SPAG16: variants seen among roughly 807,000 people sequenced by gnomAD.
SPAG16 encodes sperm-associated antigen 16 protein.
In SPAG16, 86 loss-of-function variants were observed where a neutral mutation model predicts 80.4. The observed-to-expected ratio is 1.07, with a 90% CI of 0.90 to 1.28. SPAG16 has a LOEUF of 1.28. Ranked by LOEUF, SPAG16 falls within the 50% of genes most tolerant of loss-of-function variation. The pLI, the probability that SPAG16 is intolerant of heterozygous loss-of-function variation, is 0.00. For synonymous variants in SPAG16, 294 were observed against 265.9 expected, an observed-to-expected ratio of 1.11 and a Z score of -1.03; for missense variants, 870 against 765.3, an observed-to-expected ratio of 1.14 and a Z score of -1.61.
intron 10 of SPAG16, among the ~76,000 whole-genome samples, chr2:213,753,482 T>C (rs929168163): frequency 6.6e-6 from 1 of 152,230 alleles, no homozygotes; most frequent in Admixed American, 6.5e-5. Flanking sequence ...TTTTAATATA[T>C]GTATGAATTA....
intron 11 of SPAG16, among the ~76,000 whole-genome samples, chr2:213,890,269 A>G (rs1415730530): frequency 6.6e-6 from 1 of 152,094 alleles, no homozygotes; most frequent in Non-Finnish European, 1.5e-5. Flanking sequence ...AGAACTGTAA[A>G]ATCTAAATAG....
chr2:213,811,962 T>C (rs1453092992), intron 10 of SPAG16, among the ~76,000 whole-genome samples: 1 of 152,020 alleles, frequency 6.6e-6, no homozygotes, highest in Non-Finnish European at 1.5e-5. Context: ...AAAGAGATAA[T>C]ACATAATCAC....
intron 15 of SPAG16, among the ~76,000 whole-genome samples, chr2:214,325,097 G>GTCACCATT (rs1388542660): frequency 6.6e-6 from 1 of 152,138 alleles, no homozygotes; most frequent in Non-Finnish European, 1.5e-5. Context: ...TTCATACAAT[G>GTCACCATT]GTGATGTTTG....
intron 9 of SPAG16, among the ~76,000 whole-genome samples, chr2:213,440,634 A>C (rs1202218257): frequency 2.0e-5 from 3 of 152,178 alleles, no homozygotes; most frequent in African/African-American, 7.2e-5. Context: ...CCATGCATAC[A>C]TGGTTTATTC....
In SPAG16 at chr2:213,297,466, T is replaced by C. The variant is rs144930629; in HGVS notation, c.279+109T>C. 4.3e-4 allele frequency: 250 copies of C among 575,660 alleles called. 2 individuals are homozygous for C. The highest frequency in any genetic ancestry group is 3.8e-3 in the African/African-American group (201 of 52,292). 35.7% of individuals were successfully genotyped at this position (575,660 alleles called of 1,614,324 possible). ...ACTAGTGTAGCTCAGTCATCTGTTA[T>C]ATCATTTTCATCTCTGTTTATTTGT... is the stretch of plus-strand genomic sequence containing the variant. On this transcript the variant is annotated intron_variant, in intron 3 of 15. Coordinates refer to ENST00000331683, the MANE Select transcript of SPAG16 (RefSeq NM_024532.5).
In SPAG16 at chr2:213,317,329, A is replaced by G. The variant is rs199681304; in HGVS notation, c.509A>G (p.Asp170Gly). ...AATGAGAACAAAAATTTAAAGAAAG[A>G]TTTGAAGCACTACAAACAAGCAGCT... is the stretch of plus-strand genomic sequence containing the variant. ...LENENKNLKK[D>G]LKHYKQAADK... Residue 170 changes from aspartate (D) to glycine (G), a missense_variant, in exon 5 of 16, where the codon GAT becomes GGT. Transcript: ENST00000331683. The G allele has an allele frequency of 6.2e-7, 1 of 1,610,590 alleles. No individual in the cohort carries two copies.
At chr2:213,981,388 G>A (rs1007745861) in intron 12 of SPAG16, among the ~76,000 whole-genome samples, 15 of 151,890 alleles carry the variant, frequency 9.9e-5, no homozygotes, top group African/African-American at 3.6e-4. Context: ...TTTTCCAATG[G>A]GGGTTTTGTT....
chr2:213,760,974 T>C (rs1290396719), intron 10 of SPAG16, among the ~76,000 whole-genome samples: 5 of 152,164 alleles, frequency 3.3e-5, no homozygotes, highest in Non-Finnish European at 1.5e-5. Context: ...GCAGGATTTA[T>C]GGGAGGACTC....
intron 10 of SPAG16, among the ~76,000 whole-genome samples, chr2:213,618,469 CT>C (rs2061669489): frequency 6.6e-6 from 1 of 152,188 alleles, no homozygotes; most frequent in Admixed American, 6.5e-5. Context: ...TGTAAAGTAT[CT>C]GCTTTCCTCA....
At chr2:213,655,530 G>A (rs1461775485) in intron 10 of SPAG16, among the ~76,000 whole-genome samples, 2 of 152,292 alleles carry the variant, frequency 1.3e-5, no homozygotes, top group East Asian at 1.9e-4. Flanking sequence ...CACATGTTGG[G>A]GTGGTATGGT....
intron 12 of SPAG16, among the ~76,000 whole-genome samples, chr2:213,980,455 T>C (rs2045659089): frequency 8.0e-6 from 1 of 125,456 alleles, no homozygotes; most frequent in Non-Finnish European, 1.6e-5. Context: ...ATATTCTATA[T>C]ATATATAGAA....
chr2:214,355,797 G>T (rs1032797720), intron 15 of SPAG16, among the ~76,000 whole-genome samples: 10 of 151,770 alleles, frequency 6.6e-5, no homozygotes, highest in Admixed American at 1.3e-4. Flanking sequence ...CAATAGACTG[G>T]ATTAAGAAAA....
chr2:213,720,366 A>C (rs1007237380), intron 10 of SPAG16, among the ~76,000 whole-genome samples: 1 of 151,450 alleles, frequency 6.6e-6, no homozygotes, highest in Non-Finnish European at 1.5e-5. Flanking sequence ...AGTGGCTAAC[A>C]CCTGTAATCC....
At chr2:213,293,765 C>G (rs1316691025) in intron 1 of SPAG16, among the ~76,000 whole-genome samples, 1 of 152,156 alleles carries the variant, frequency 6.6e-6, no homozygotes, top group Non-Finnish European at 1.5e-5. Context: ...ATAATAAATG[C>G]TTATTGTTCC....
chr2:213,293,514 G>T (rs1372889819), intron 1 of SPAG16, among the ~76,000 whole-genome samples: 1 of 152,182 alleles, frequency 6.6e-6, no homozygotes, highest in Non-Finnish European at 1.5e-5. Context: ...GGGGTAGTTA[G>T]CCCACCATAT....
At chr2:214,244,694 A>G (rs1379230940) in intron 15 of SPAG16, among the ~76,000 whole-genome samples, 1 of 152,130 alleles carries the variant, frequency 6.6e-6, no homozygotes, top group Non-Finnish European at 1.5e-5. Context: ...TATTTTGAAA[A>G]GTGTATTATG....
intron 15 of SPAG16, among the ~76,000 whole-genome samples, chr2:214,243,386 TTTTAA>T (rs1689625659): frequency 6.6e-6 from 1 of 152,128 alleles, no homozygotes; most frequent in Non-Finnish European, 1.5e-5. Flanking sequence ...TGTAGTTTAA[TTTTAA>T]TAAACCTCTC....
At chr2:214,041,211 G>A (rs899274705) in intron 13 of SPAG16, among the ~76,000 whole-genome samples, 1 of 150,544 alleles carries the variant, frequency 6.6e-6, no homozygotes, top group African/African-American at 2.4e-5. Flanking sequence ...TAAGTTTTTT[G>A]TTCTGTTTTG....
At chr2:213,765,009 T>C (rs1328386128) in intron 10 of SPAG16, among the ~76,000 whole-genome samples, 2 of 152,148 alleles carry the variant, frequency 1.3e-5, no homozygotes, top group Non-Finnish European at 2.9e-5. Context: ...TGCAGGCCTT[T>C]TCCACTTCCG....
Sources: gnomAD v4.1 joint callset for allele counts (sites outside exome capture counted in the v4.1 genomes callset) on GRCh38, gnomAD v4.1.1 for gene constraint, MANE v1.5 for transcripts, NCBI Gene and HGNC (gene_info 2026-07-23, HGNC 2026-07-21) for gene names.